FAM120A: variants seen among roughly 807,000 people sequenced by gnomAD.
The protein encoded by FAM120A is constitutive coactivator of PPAR-gamma-like protein 1.
A neutral mutation model predicts 109.7 loss-of-function variants in FAM120A; 15 were observed. The observed-to-expected ratio is 0.14, with a 90% CI of 0.09 to 0.21. The LOEUF (loss-of-function observed/expected upper bound fraction) is 0.21, where lower values mean the gene tolerates loss of function less well. FAM120A is among the 10% of genes least tolerant of loss of function. The probability of loss-of-function intolerance (pLI) is 1.00; values close to 1 mark genes in which losing one functional copy is unlikely to be tolerated. For missense variants in FAM120A, 899 were observed against 1,439.3 expected (o/e 0.62, Z 6.07); for synonymous variants, 493 against 572.8 (o/e 0.86, Z 1.99).
At chr9:93,461,769 TTTTTGAGCACCAG>T in intron 1 of FAM120A, among the ~76,000 whole-genome samples, 1 of 152,196 alleles carries the variant, frequency 6.6e-6, no homozygotes, top group Non-Finnish European at 1.5e-5. Context: ...AATTCAAAAC[TTTTTGAGCACCAG>T]CATGATGCAC....
At chr9:93,485,322 A>G (rs1858994362) in intron 3 of FAM120A, among the ~76,000 whole-genome samples, 1 of 152,060 alleles carries the variant, frequency 6.6e-6, no homozygotes, top group Non-Finnish European at 1.5e-5. Context: ...TGTGCTGGGT[A>G]TGGTGGCTCA....
chr9:93,455,134 G>T (rs1857495809), intron 1 of FAM120A, among the ~76,000 whole-genome samples: 1 of 152,190 alleles, frequency 6.6e-6, no homozygotes, highest in African/African-American at 2.4e-5. Context: ...TGGAAACAAA[G>T]TATCCTTTAA....
chr9:93,453,083 T>A, intron 1 of FAM120A: 2 of 1,068,280 alleles, frequency 1.9e-6, no homozygotes, highest in Non-Finnish European at 1.1e-6. Context: ...GTTCTGTGAC[T>A]TCACGTCCGT....
At chr9:93,476,195 T>A in intron 2 of FAM120A, 61 bp from the exon 3 acceptor site, 2 of 1,171,068 alleles carry the variant, frequency 1.7e-6, no homozygotes, top group Non-Finnish European at 2.5e-6. Context: ...GCAGCACTTT[T>A]GAAAGTTTCC....
chr9:93,493,663 G>A lies in FAM120A; in HGVS notation c.805-3808G>A, dbSNP rs116970224. ...TGAGCGTCCGGGACCCAACTACAGG[G>A]GAAATAGAATAAAACAGGCAGGTGC... On this transcript the variant is annotated intron_variant, in intron 3 of 17. Coordinates refer to ENST00000277165, the MANE Select transcript of FAM120A (RefSeq NM_014612.5). 2.4e-3 allele frequency among the ~76,000 whole-genome samples: 372 copies of A among 152,296 alleles called. 12 individuals are homozygous for A. In the South Asian group the frequency reaches 0.033, roughly 13 times the overall value.
chr9:93,505,872 A>G (rs1036003043), intron 5 of FAM120A, among the ~76,000 whole-genome samples: 1 of 145,644 alleles, frequency 6.9e-6, no homozygotes, highest in Non-Finnish European at 1.5e-5. Flanking sequence ...CTTTGATACT[A>G]CCTGGCACTG....
chr9:93,482,292 A>G (rs1443514386), intron 3 of FAM120A, among the ~76,000 whole-genome samples: 1 of 151,006 alleles, frequency 6.6e-6, no homozygotes, highest in Admixed American at 6.6e-5. Flanking sequence ...AGTTCAAGCA[A>G]TTCTCCTGCC....
At chr9:93,488,698 C>A (rs939107924) in intron 3 of FAM120A, among the ~76,000 whole-genome samples, 5 of 152,104 alleles carry the variant, frequency 3.3e-5, no homozygotes, top group African/African-American at 1.2e-4. Context: ...CCTAGTACCA[C>A]CACCGACCCT....
chr9:93,481,998 A>C (rs965812400), intron 3 of FAM120A, among the ~76,000 whole-genome samples: 2 of 151,882 alleles, frequency 1.3e-5, no homozygotes, highest in African/African-American at 4.8e-5. Flanking sequence ...TCATCTTAGG[A>C]GCTCCCTCTA....
chr9:93,550,437 G>A, intron 11 of FAM120A, 140 bp from the exon 12 acceptor site: 3 of 625,390 alleles, frequency 4.8e-6, no homozygotes, highest in Non-Finnish European at 8.7e-6. Context: ...AAGTAGAAAA[G>A]TAGAAAAGCT....
chr9:93,535,133 G>A (rs1320755409), intron 10 of FAM120A, among the ~76,000 whole-genome samples: 1 of 152,168 alleles, frequency 6.6e-6, no homozygotes, highest in Non-Finnish European at 1.5e-5. Flanking sequence ...AATTGGTTTA[G>A]GTACACACAA....
intron 17 of FAM120A, 123 bp from the exon 18 acceptor site, chr9:93,564,106 G>A: frequency 1.1e-6 from 1 of 938,344 alleles, no homozygotes; most frequent in Non-Finnish European, 1.6e-6. Flanking sequence ...AGGGTTAGAA[G>A]GACCCAGCTG....
rs901053736 is a variant in FAM120A, at chr9:93,542,225, A to G, written c.1910-997A>G. On this transcript the variant is annotated intron_variant, in intron 10 of 17. Transcript: ENST00000277165. The stretch of plus-strand genomic sequence containing the variant: ...AGGGACGGTGCCTTTGCTCATGTGT[A>G]GCAGCACTGGGCAAGGGACAACACC... Among the ~76,000 whole-genome samples, 21 of 152,172 alleles carry G rather than the reference A, an allele frequency of 1.4e-4. 1 individual carries two copies. The highest frequency in any genetic ancestry group is 5.1e-4 in the African/African-American group (21 of 41,430).
In FAM120A at chr9:93,481,007, C is replaced by G. The variant is rs376468700; in HGVS notation, c.804+4669C>G. ...GCAGAGCATGGGCTCCAGTCCCAAG[C>G]CCAGCCTCTGTTTCCCTTCAGGTGG... is the stretch of plus-strand genomic sequence containing the variant. On this transcript the variant is annotated intron_variant, in intron 3 of 17. Coordinates refer to ENST00000277165, the MANE Select transcript of FAM120A (RefSeq NM_014612.5). Among the ~76,000 whole-genome samples the G allele has an allele frequency of 4.5e-4, 69 of 152,358 alleles. 1 individual carries two copies. The South Asian group carries it at 0.014, about 31-fold the overall frequency.
chr9:93,510,904 G>C (rs977835913), intron 5 of FAM120A, among the ~76,000 whole-genome samples: 2 of 151,290 alleles, frequency 1.3e-5, no homozygotes, highest in African/African-American at 2.5e-5. Context: ...TTCGAATGAT[G>C]CCGTATCTCG....
rs943752527 is a variant in FAM120A at position 93,532,099 on chromosome 9, A to G, written c.1735-56A>G. The G allele has an allele frequency of 1.3e-6, 2 of 1,485,126 alleles. No homozygotes were observed. The highest frequency in any genetic ancestry group is 1.7e-5 in the Admixed American group (1 of 58,158). The allele number at this position is 1,485,126 out of a possible 1,614,324, so 92.0% of individuals were successfully genotyped here. A position where few individuals can be genotyped will look rare whatever the true frequency, so the allele number is the denominator to read the frequency against. ...TAATACAGTATATTTCTGTGAGTGT[A>G]TTGTAAATTCAACATGAAAAATGTG... On this transcript the variant is annotated intron_variant, in intron 9 of 17. Coordinates refer to ENST00000277165, the MANE Select transcript of FAM120A (RefSeq NM_014612.5). This position sits in a 1 kb window ranked among gnomAD's most constrained non-coding sequence, Gnocchi z 4.3.
chr9:93,456,214 T>TATAAC (rs1382282973), intron 1 of FAM120A, among the ~76,000 whole-genome samples: 4 of 152,228 alleles, frequency 2.6e-5, no homozygotes, highest in African/African-American at 9.7e-5. Flanking sequence ...CTTGGGTCAT[T>TATAAC]ATAACCTTTG....
At position 93,500,217 on chromosome 9, in the gene FAM120A, A is replaced by G. The variant is rs545991333; in HGVS notation, c.1030+1331A>G. On this transcript the variant is annotated intron_variant, in intron 5 of 17. Transcript: ENST00000277165. The surrounding 1 kb of genome is among the most constrained non-coding windows in gnomAD (Gnocchi z 4.6). ...GCTACTCCCATGCTCAGAATTCCCCATTGGCTTCCCGTCACACTTGGAATA... is the reference window on the plus strand; with the variant it reads ...GCTACTCCCATGCTCAGAATTCCCCGTTGGCTTCCCGTCACACTTGGAATA... Among the ~76,000 whole-genome samples the G allele has an allele frequency of 7.2e-5, 11 of 152,348 alleles. No homozygotes were observed. The highest frequency in any genetic ancestry group is 4.4e-5 in the Non-Finnish European group (3 of 68,022).
In FAM120A at chr9:93,513,155, T is replaced by C. The variant is rs150751275; in HGVS notation, c.1031-2512T>C. 5.9e-3 allele frequency among the ~76,000 whole-genome samples: 901 copies of C among 152,358 alleles called. 4 individuals carry two copies. Among genetic ancestry groups the C allele is most frequent in the Non-Finnish European group, 9.2e-3 (628 of 68,030 alleles). On this transcript the variant is annotated intron_variant, in intron 5 of 17. Transcript: ENST00000277165. ...TTGATTTAAATTATATGGTTGGAGC[T>C]TGAATAGATTTTATAATATTCTTTG...
Sources: gnomAD v4.1 joint callset for allele counts (sites outside exome capture counted in the v4.1 genomes callset) on GRCh38, gnomAD v4.1.1 for gene constraint, Gnocchi (gnomAD v3.1) non-coding constraint, MANE v1.5 for transcripts, NCBI Gene and HGNC (gene_info 2026-07-23, HGNC 2026-07-21) for gene names.